SLC25A48: variants seen among roughly 807,000 people sequenced by gnomAD.
The protein encoded by SLC25A48 is CTC-321K16.1.
Under a neutral mutation model 32.2 loss-of-function variants are expected in SLC25A48, and 29 were observed. The observed-to-expected ratio is 0.90, with a 90% confidence interval of 0.67 to 1.23. The LOEUF (loss-of-function observed/expected upper bound fraction) is 1.23. SLC25A48 is among the 50% of genes most tolerant of loss of function. The pLI is 0.00. For missense variants in SLC25A48, 399 were observed against 422.7 expected, an observed-to-expected ratio of 0.94 and a Z score of 0.49; for synonymous variants, 164 against 172.3, an observed-to-expected ratio of 0.95 and a Z score of 0.38.
intron 3 of SLC25A48, among the ~76,000 whole-genome samples, chr5:135,693,479 C>T (rs1425729036): frequency 2.6e-5 from 4 of 152,194 alleles, no homozygotes; most frequent in African/African-American, 9.7e-5. Context: ...GAGGAAGATG[C>T]GGTGGTATGC....
chr5:135,854,375 T>C (rs1007496556), intron 4 of SLC25A48, among the ~76,000 whole-genome samples: 7 of 152,254 alleles, frequency 4.6e-5, no homozygotes, highest in Non-Finnish European at 7.3e-5. Flanking sequence ...TTTGTCTACA[T>C]TGAAAACCTG....
At chr5:135,602,606 T>C (rs534386674) in intron 1 of SLC25A48, among the ~76,000 whole-genome samples, 266 of 149,868 alleles carry the variant, frequency 1.8e-3, no homozygotes, top group African/African-American at 5.5e-3. Context: ...TTCTTTTTTT[T>C]TTTCTTTCTT....
chr5:135,801,125 AGAT>A (rs1281663666), intron 3 of SLC25A48, among the ~76,000 whole-genome samples: 1 of 151,224 alleles, frequency 6.6e-6, no homozygotes, highest in African/African-American at 2.4e-5. Context: ...CAGGGAAGGA[AGAT>A]GATGATATTA....
At chr5:135,608,408 A>G (rs1233277465) in intron 1 of SLC25A48, among the ~76,000 whole-genome samples, 4 of 152,238 alleles carry the variant, frequency 2.6e-5, no homozygotes, top group Admixed American at 6.5e-5. Context: ...TTGAGTATGT[A>G]TAGCTCAAGT....
At chr5:135,854,984 G>A (rs983190175) in intron 4 of SLC25A48, among the ~76,000 whole-genome samples, 11 of 152,222 alleles carry the variant, frequency 7.2e-5, no homozygotes, top group African/African-American at 2.7e-4. Flanking sequence ...AAACAGGGCA[G>A]CCTGAGGAGA....
At chr5:135,807,733 C>T (rs1365195423) in intron 3 of SLC25A48, among the ~76,000 whole-genome samples, 1 of 148,838 alleles carries the variant, frequency 6.7e-6, no homozygotes, top group African/African-American at 2.4e-5. Context: ...TGTGTAAACA[C>T]TAGAGATTAT....
intron 3 of SLC25A48, among the ~76,000 whole-genome samples, chr5:135,683,953 G>T (rs1753959815): frequency 6.6e-6 from 1 of 152,150 alleles, no homozygotes; most frequent in African/African-American, 2.4e-5. Flanking sequence ...TGGTTTCATT[G>T]CTGTGATTTT....
chr5:135,792,506 C>T (rs1757058220), intron 3 of SLC25A48, among the ~76,000 whole-genome samples: 1 of 148,892 alleles, frequency 6.7e-6, no homozygotes, highest in Non-Finnish European at 1.5e-5. Flanking sequence ...ATGTAACCCT[C>T]TGGTTACATG....
Position 135,874,129 on chromosome 5 carries a change from A to G in SLC25A48, c.788A>G (p.Gln263Arg). 1.3e-6 allele frequency: 2 copies of G among 1,482,648 alleles called. No homozygotes were observed. The highest frequency in any genetic ancestry group is 1.8e-6 in the Non-Finnish European group (2 of 1,125,888). The allele number at this position is 1,482,648 out of a possible 1,614,324, so 91.8% of individuals were successfully genotyped here. A position where few individuals can be genotyped will look rare whatever the true frequency, so the allele number is the denominator to read the frequency against. ...KYKGVLDCIS[Q>R]SYQKEGLKVF... ...AAAGGTGTCCTGGACTGTATCTCCC[A>G]GAGTTACCAGAAGGAAGGTCTTAAA... The change falls in exon 6 of 8, where the codon CAG becomes CGG. Residue 263 changes from glutamine (Q) to arginine (R), a missense_variant. Coordinates refer to ENST00000681962, the MANE Select transcript of SLC25A48 (RefSeq NM_001349336.2).
chr5:135,760,029 C>T (rs1166335683), intron 3 of SLC25A48, among the ~76,000 whole-genome samples: 1 of 151,890 alleles, frequency 6.6e-6, no homozygotes, highest in Non-Finnish European at 1.5e-5. Context: ...GGGGATATCA[C>T]CATGTTGGCC....
intron 3 of SLC25A48, among the ~76,000 whole-genome samples, chr5:135,661,411 T>C (rs900520798): frequency 6.6e-6 from 1 of 152,186 alleles, no homozygotes; most frequent in Non-Finnish European, 1.5e-5. Context: ...AATGCTCCTT[T>C]ATGGAGTCTT....
intron 4 of SLC25A48, among the ~76,000 whole-genome samples, chr5:135,816,181 T>C (rs1233456449): frequency 6.6e-6 from 1 of 152,182 alleles, no homozygotes; most frequent in Admixed American, 6.5e-5. Context: ...ACCATCCCCA[T>C]CATCCAATTA....
chr5:135,881,625 A>G (rs1162433866), intron 7 of SLC25A48, among the ~76,000 whole-genome samples: 1 of 152,236 alleles, frequency 6.6e-6, no homozygotes, highest in South Asian at 2.1e-4. Flanking sequence ...TCTTATTCTT[A>G]AAGCTGTGCT....
intron 3 of SLC25A48, among the ~76,000 whole-genome samples, chr5:135,650,720 G>A (rs754805135): frequency 3.9e-5 from 6 of 152,120 alleles, no homozygotes; most frequent in Non-Finnish European, 7.4e-5. Context: ...TTTGCTTAGA[G>A]TCAAACAGAA....
intron 3 of SLC25A48, among the ~76,000 whole-genome samples, chr5:135,771,187 C>T (rs1206620965): frequency 1.3e-5 from 2 of 151,586 alleles, no homozygotes; most frequent in Non-Finnish European, 3.0e-5. Flanking sequence ...TGTACACCCC[C>T]CTGTGATAAG....
At chr5:135,854,824 C>T (rs1760173597) in intron 4 of SLC25A48, among the ~76,000 whole-genome samples, 1 of 152,232 alleles carries the variant, frequency 6.6e-6, no homozygotes, top group Non-Finnish European at 1.5e-5. Flanking sequence ...TTTGACCTGT[C>T]TCCGCTTTCA....
chr5:135,595,256 G>A (rs570095595), intron 1 of SLC25A48, among the ~76,000 whole-genome samples: 4 of 152,184 alleles, frequency 2.6e-5, no homozygotes, highest in South Asian at 2.1e-4. Flanking sequence ...TATGGGCAGG[G>A]CTATGGGATT....
At chr5:135,788,097 C>T (rs527506442) in intron 3 of SLC25A48, among the ~76,000 whole-genome samples, 5 of 151,614 alleles carry the variant, frequency 3.3e-5, no homozygotes, top group South Asian at 2.1e-4. Flanking sequence ...TGAGGGGAGA[C>T]GGTGATATTG....
In SLC25A48 at chr5:135,594,219, G is replaced by A. The variant is rs542561563; in HGVS notation, c.-849+14622G>A. Among the ~76,000 whole-genome samples the A allele has an allele frequency of 5.3e-5, 8 of 152,338 alleles. No individual in the cohort carries two copies. The South Asian group carries it at 8.3e-4, about 16-fold the overall frequency. ...AAATCAGCTCTTTTAAAGCTTTGGT[G>A]TTGGCTGGGATAGACATCTATTTAG... On this transcript the variant is annotated intron_variant, in intron 1 of 10. Coordinates refer to the SLC25A48 transcript ENST00000646290.
Sources: allele counts gnomAD v4.1 joint callset (sites outside exome capture counted in the v4.1 genomes callset), GRCh38; gene constraint gnomAD v4.1.1; transcripts MANE v1.5; gene names NCBI Gene and HGNC (gene_info 2026-07-23, HGNC 2026-07-21).